The following TCP11 variants were observed in gnomAD, a reference collection of about 807,000 sequenced individuals.
TCP11 encodes t-complex 11.
TCP11 carries 34 observed loss-of-function variants against 45.0 expected under a neutral mutation model. The observed-to-expected ratio is 0.76, with a 90% CI of 0.57 to 1.01. The LOEUF is 1.01. TCP11 is among the 50% of genes least tolerant of loss of function. The pLI, the probability that TCP11 is intolerant of heterozygous loss-of-function variation, is 0.00. For missense variants in TCP11, 523 were observed against 598.1 expected (o/e 0.87, Z 1.31); for synonymous variants, 227 against 227.0 (o/e 1.00, Z 0.00).
intron 2 of TCP11, chr6:35,137,708 T>C: frequency 4.5e-6 from 2 of 444,510 alleles, no homozygotes; most frequent in South Asian, 3.2e-5. Context: ...ACGTGGTGTA[T>C]AAAATGCAGC....
chr6:35,130,935 A>G (rs1336539063), intron 3 of TCP11, among the ~76,000 whole-genome samples: 11 of 152,252 alleles, frequency 7.2e-5, no homozygotes, highest in Non-Finnish European at 7.3e-5. Context: ...AGCTTTATTC[A>G]TAAGTGCCAA....
intron 4 of TCP11, among the ~76,000 whole-genome samples, chr6:35,126,241 T>G (rs1034757172): frequency 3.0e-4 from 45 of 152,264 alleles, no homozygotes; most frequent in African/African-American, 9.9e-4. Context: ...GTCAGCCATC[T>G]TATGGCAGAT....
Position 35,120,151 on chromosome 6 carries a change from C to G in TCP11, c.1115+8G>C, listed in dbSNP as rs369819615. ...CCTTCTACTCTAAAAAGTAACTATG[C>G]AGCTCACCTGGAGTGAAAGTCTTCC... On this transcript the variant is annotated splice_region_variant and intron_variant, in intron 8 of 9. Coordinates refer to ENST00000311875, the MANE Select transcript of TCP11 (RefSeq NM_001370687.1). The surrounding 1 kb of genome is among the most constrained non-coding windows in gnomAD (Gnocchi z 4.9). The G allele has an allele frequency of 2.5e-5, 41 of 1,612,510 alleles. No homozygotes were observed. The African/African-American group carries it at 4.7e-4, about 18-fold the overall frequency.
chr6:35,122,048 A>T, intron 5 of TCP11, 69 bp downstream of exon 5: 1 of 1,462,660 alleles, frequency 6.8e-7, no homozygotes, highest in Non-Finnish European at 9.6e-7. Flanking sequence ...GCTATAATCT[A>T]GGTCTGGCCC....
chr6:35,119,001 C>T (rs536273986), intron 9 of TCP11, among the ~76,000 whole-genome samples: 1 of 152,308 alleles, frequency 6.6e-6, no homozygotes, highest in East Asian at 1.9e-4. Context: ...GTCGGCTGGA[C>T]ATATCCCACA....
chr6:35,139,991 T>C (rs1310927282), intron 2 of TCP11: 14 of 1,612,312 alleles, frequency 8.7e-6, no homozygotes, highest in African/African-American at 1.3e-5. Flanking sequence ...TTAAATTGTG[T>C]GTACAAAAAA....
Position 35,136,158 on chromosome 6 carries a change from A to G in TCP11, c.185T>C (p.Ile62Thr). The G allele has an allele frequency of 1.2e-6, 2 of 1,613,738 alleles. No individual in the cohort carries two copies. The highest frequency in any genetic ancestry group is 1.3e-5 in the African/African-American group (1 of 74,994). ...VNEVSKLSNK[I>T]GMNCDYYMEE... is the part of the protein sequence containing the mutation. ...CATGTAGTAATCACAATTCATCCCA[A>G]TCTTGTTGCTCAGCTTGGAAACTTC... The change falls in exon 3 of 10, where the codon ATT (isoleucine) becomes ACT (threonine). Residue 62 changes from isoleucine (I) to threonine (T), a missense_variant. Physicochemically the swap from Ile to Thr is moderately conservative, Grantham distance 89 (BLOSUM62 -1). Transcript: ENST00000311875.
At chr6:35,128,109 G>A (rs575495803) in intron 4 of TCP11, among the ~76,000 whole-genome samples, 12 of 152,280 alleles carry the variant, frequency 7.9e-5, no homozygotes, top group Admixed American at 6.5e-4. Context: ...AAGTACAGAC[G>A]CAGTTTAGCT....
intron 2 of TCP11, chr6:35,140,043 T>C (rs113669475): frequency 6.2e-7 from 1 of 1,614,124 alleles, no homozygotes; most frequent in Non-Finnish European, 8.5e-7. Context: ...CTGTTGGAAA[T>C]GACCCCAATA....
At position 35,140,834 on chromosome 6, in the gene TCP11, G is replaced by T. The variant is rs1381928600; in HGVS notation, c.37C>A (p.Pro13Thr). The T allele has an allele frequency of 1.9e-6, 3 of 1,563,890 alleles. No homozygotes were observed. Among genetic ancestry groups the T allele is most frequent in the African/African-American group, 1.4e-5 (1 of 72,788 alleles). Residue 13 changes from proline (P) to threonine (T), a missense_variant, in exon 2 of 10, where the codon CCT (proline) becomes ACT (threonine). Transcript: ENST00000311875. ...DVKESVPPKY[P>T]GDSEGRSCKP... ...CAGGACCTGCCCTCTGAGTCGCCAG[G>T]ATATTTCGGGGGCACACTCTCCTTG... is the stretch of plus-strand genomic sequence containing the variant.
rs1208271772 is a variant in TCP11, at chr6:35,129,851, T to C, written c.237-669A>G. Among the ~76,000 whole-genome samples, 6 of 152,340 alleles carry C rather than the reference T, an allele frequency of 3.9e-5. No homozygotes were observed. The East Asian group carries it at 1.2e-3, about 29-fold the overall frequency. ...ATGCGATGGCACAATCAAGGCTCAC[T>C]GAAGCCTCAACCTCCCACGCGCAAG... is the stretch of plus-strand genomic sequence containing the variant. On this transcript the variant is annotated intron_variant, in intron 3 of 9. Transcript: ENST00000311875.
intron 4 of TCP11, among the ~76,000 whole-genome samples, chr6:35,124,465 C>A (rs1400752624): frequency 6.6e-6 from 1 of 152,156 alleles, no homozygotes; most frequent in Non-Finnish European, 1.5e-5. Flanking sequence ...ACTTCTTGGG[C>A]CTTGGTAGAA....
chr6:35,120,653 C>G lies in TCP11; in HGVS notation c.716-7G>C. On this transcript the variant is annotated splice_region_variant and splice_polypyrimidine_tract_variant and intron_variant, in intron 6 of 9. Transcript: ENST00000311875. This position sits in a 1 kb window ranked among gnomAD's most constrained non-coding sequence, Gnocchi z 4.9. ...GTGGTGTGATTAAGGAGACCTATGA[C>G]AGGTAAGGGAGTGTGTAAGCATCTT... is the stretch of plus-strand genomic sequence containing the variant. The G allele has an allele frequency of 6.2e-7, 1 of 1,611,520 alleles. No homozygotes were observed. Among genetic ancestry groups the G allele is most frequent in the Non-Finnish European group, 8.5e-7 (1 of 1,179,080 alleles).
At chr6:35,141,059 T>A (rs899809142) in intron 1 of TCP11, 146 bp downstream of exon 1, 2 of 1,219,422 alleles carry the variant, frequency 1.6e-6, no homozygotes, top group South Asian at 2.3e-5. Flanking sequence ...GGGACAGAAG[T>A]GGAGCGCTGG....
At position 35,137,868 on chromosome 6, in the gene TCP11, A is replaced by G. The variant is rs1781264723; in HGVS notation, c.125-1650T>C. 6 of 453,148 alleles carry G rather than the reference A, an allele frequency of 1.3e-5. 1 individual carries two copies. Among genetic ancestry groups the G allele is most frequent in the South Asian group, 9.4e-5 (6 of 63,944 alleles). 28.1% of individuals were successfully genotyped at this position (453,148 alleles called of 1,614,324 possible). Reference sequence around the variant, plus strand: ...ATTGTTGAAGCTGGATGATGGATAAATGGGGGCTCATTGTATTAGTCATTC... The same window carrying G: ...ATTGTTGAAGCTGGATGATGGATAAGTGGGGGCTCATTGTATTAGTCATTC... On this transcript the variant is annotated intron_variant, in intron 2 of 9. Coordinates refer to ENST00000311875, the MANE Select transcript of TCP11 (RefSeq NM_001370687.1).
intron 4 of TCP11, among the ~76,000 whole-genome samples, chr6:35,124,825 AT>A (rs1779643053): frequency 6.6e-6 from 1 of 152,124 alleles, no homozygotes; most frequent in Non-Finnish European, 1.5e-5. Flanking sequence ...TTACCCCCAT[AT>A]AAAAATATTA....
Position 35,122,221 on chromosome 6 carries a change from A to ATAGAGGACTTTCAGGGCCCCATG in TCP11, c.451_473dup (p.Leu159MetfsTer4). ...TCATGTTGAGAACGTACTTAGAGAG[A>ATAGAGGACTTTCAGGGCCCCATG]TAGAGGACTTTCAGGGCCCCATGTT... is the stretch of plus-strand genomic sequence containing the variant. On this transcript the variant is annotated stop_gained and frameshift_variant, in exon 5 of 10. Transcript: ENST00000311875. LOFTEE classifies it high-confidence loss of function. 1 of 1,614,174 alleles carries ATAGAGGACTTTCAGGGCCCCATG rather than the reference A, an allele frequency of 6.2e-7. No individual in the cohort carries two copies. Among genetic ancestry groups the ATAGAGGACTTTCAGGGCCCCATG allele is most frequent in the Non-Finnish European group, 8.5e-7 (1 of 1,180,050 alleles).
chr6:35,137,599 T>A (rs1160208120), intron 2 of TCP11: 1 of 212,032 alleles, frequency 4.7e-6, no homozygotes, highest in Non-Finnish European at 9.7e-6. Context: ...CAGACCAGCA[T>A]GGGTATTTGG....
intron 4 of TCP11, 85 bp from the exon 5 acceptor site, chr6:35,122,422 AC>A: frequency 8.2e-7 from 1 of 1,217,664 alleles, no homozygotes; most frequent in Non-Finnish European, 1.2e-6. Flanking sequence ...CTAAAGACAT[AC>A]CAGCCTATGT....
Sources: allele counts gnomAD v4.1 joint callset (sites outside exome capture counted in the v4.1 genomes callset), GRCh38; gene constraint gnomAD v4.1.1; non-coding constraint Gnocchi (gnomAD v3.1); transcripts MANE v1.5; gene names NCBI Gene and HGNC (gene_info 2026-07-23, HGNC 2026-07-21).